The following MAP4 variants were observed in gnomAD, a reference collection of about 807,000 sequenced individuals.
MAP4 encodes microtubule associated protein 4.
A neutral mutation model predicts 170.2 loss-of-function variants in MAP4; 76 were observed. That is an observed-to-expected ratio of 0.45 (90% CI 0.37 to 0.54). The LOEUF is 0.54. Ranked by LOEUF, MAP4 falls within the 20% of genes least tolerant of loss-of-function variation. The pLI is 0.00. For synonymous variants in MAP4, 909 were observed against 994.5 expected (o/e 0.91, Z 1.62); for missense variants, 2,506 against 2,748.0 (o/e 0.91, Z 1.97).
At chr3:47,929,915 A>C (rs1305300587) in intron 3 of MAP4, among the ~76,000 whole-genome samples, 1 of 149,544 alleles carries the variant, frequency 6.7e-6, no homozygotes, top group African/African-American at 2.5e-5. Flanking sequence ...GATCACCTGA[A>C]GTTAGGAATT....
chr3:47,896,505 G>A (rs2100026957), intron 10 of MAP4, among the ~76,000 whole-genome samples: 1 of 151,834 alleles, frequency 6.6e-6, no homozygotes, highest in African/African-American at 2.4e-5. Flanking sequence ...CTCCAGCCTG[G>A]GCAACAAGAG....
chr3:48,034,064 G>C (rs949462199), intron 1 of MAP4, among the ~76,000 whole-genome samples: 1 of 152,166 alleles, frequency 6.6e-6, no homozygotes, highest in African/African-American at 2.4e-5. Context: ...GCCAACCAGA[G>C]TGCATACATA....
At chr3:48,065,633 C>G (rs181869602) in intron 1 of MAP4, among the ~76,000 whole-genome samples, 150 of 152,274 alleles carry the variant, frequency 9.9e-4, no homozygotes, top group African/African-American at 3.5e-3. Context: ...ATAAAAAATT[C>G]CTGAGAAATC....
intron 2 of MAP4, among the ~76,000 whole-genome samples, chr3:47,988,752 G>C (rs191601040): frequency 1.1e-4 from 16 of 151,744 alleles, no homozygotes; most frequent in Admixed American, 5.3e-4. Flanking sequence ...TGAGATACTA[G>C]ATCAAGTAGA....
rs770006684 is a variant in MAP4 at position 47,869,196 on chromosome 3, GGTC to G, written c.6408+15_6408+17del. The stretch of plus-strand genomic sequence containing the variant: ...TTACCATCTTCACCTTGCAGAGGTG[GGTC>G]TAAATAAAACTCACTTTCCCCGCAG... On this transcript the variant is annotated intron_variant, in intron 16 of 20. Transcript: ENST00000683076. The G allele has an allele frequency of 6.4e-7, 1 of 1,561,726 alleles. No individual in the cohort carries two copies. The highest frequency in any genetic ancestry group is 1.1e-5 in the South Asian group (1 of 90,018).
chr3:47,934,105 C>A (rs1416789795), intron 3 of MAP4, among the ~76,000 whole-genome samples: 2 of 152,100 alleles, frequency 1.3e-5, no homozygotes, highest in African/African-American at 4.8e-5. Flanking sequence ...CAAGGCTGAC[C>A]GAAGCAACAG....
chr3:47,866,762 G>A (rs1347514063), intron 17 of MAP4, among the ~76,000 whole-genome samples: 2 of 152,042 alleles, frequency 1.3e-5, no homozygotes, highest in African/African-American at 4.8e-5. Context: ...TCAAAAAAAC[G>A]TGGGGAAGGG....
chr3:48,074,509 CTTTTTTT>C (rs1167906300), intron 1 of MAP4, among the ~76,000 whole-genome samples: 1 of 112,554 alleles, frequency 8.9e-6, no homozygotes, highest in African/African-American at 4.2e-5. Context: ...TATACACACA[CTTTTTTT>C]TTTTTTTTTT....
In MAP4 at chr3:47,916,054, G is replaced by A. The variant is rs1342285491; in HGVS notation, c.1773C>T (p.Asp591=). The change falls in exon 7 of 21, where the codon GAC becomes GAT. Residue 591 remains aspartate (D), a synonymous_variant. Transcript: ENST00000683076. Reference sequence around the variant, plus strand: ...CTTTTTGTGTTTGTGCAATTTCCATGTCTTTAATTGGAACTGGTGTTGCCT... The same window carrying A: ...CTTTTTGTGTTTGTGCAATTTCCATATCTTTAATTGGAACTGGTGTTGCCT... ...ETEATPVPIK[D]MEIAQTQKGI... The A allele has an allele frequency of 4.3e-6, 7 of 1,614,122 alleles. No homozygotes were observed. Among genetic ancestry groups the A allele is most frequent in the Admixed American group, 3.3e-5 (2 of 60,012 alleles).
chr3:47,968,472 A>T (rs1238115379), intron 3 of MAP4, among the ~76,000 whole-genome samples: 1 of 152,224 alleles, frequency 6.6e-6, no homozygotes. Flanking sequence ...TGCAGAAATT[A>T]ACACACTCCT....
intron 1 of MAP4, among the ~76,000 whole-genome samples, chr3:48,057,908 A>G (rs192041765): frequency 4.6e-5 from 7 of 152,318 alleles, no homozygotes; most frequent in Admixed American, 4.6e-4. Flanking sequence ...ATTATTTTAA[A>G]AAACTGTGTT....
rs868055575 is a variant in MAP4, at chr3:47,970,398, T to C, written c.292+7467A>G. On this transcript the variant is annotated intron_variant, in intron 3 of 20. Coordinates refer to ENST00000683076, the MANE Select transcript of MAP4 (RefSeq NM_001385682.1). Reference sequence around the variant, plus strand: ...TACTTGGGAGGCTGAGGCAGGAGAATTGCTTGAACCCAGGAGGTGGAGGTT... The same window carrying C: ...TACTTGGGAGGCTGAGGCAGGAGAACTGCTTGAACCCAGGAGGTGGAGGTT... Among the ~76,000 whole-genome samples, 3 of 152,038 alleles carry C rather than the reference T, an allele frequency of 2.0e-5. No individual in the cohort carries two copies. The South Asian group carries it at 6.2e-4, about 32-fold the overall frequency.
At chr3:48,084,483 G>C (rs2100148099) in intron 1 of MAP4, among the ~76,000 whole-genome samples, 1 of 151,746 alleles carries the variant, frequency 6.6e-6, no homozygotes, top group Non-Finnish European at 1.5e-5. Context: ...TCACCATAAG[G>C]TCTGCATTTA....
intron 5 of MAP4, among the ~76,000 whole-genome samples, chr3:47,919,324 T>C (rs1038552734): frequency 6.6e-6 from 1 of 152,020 alleles, no homozygotes; most frequent in African/African-American, 2.4e-5. Context: ...TTTTCTTTTT[T>C]TGAGACAGAG....
intron 10 of MAP4, among the ~76,000 whole-genome samples, chr3:47,881,185 G>A (rs894238796): frequency 8.6e-5 from 13 of 151,914 alleles, no homozygotes; most frequent in African/African-American, 1.9e-4. Context: ...TCCAGGACAC[G>A]TAATCTTTAA....
intron 1 of MAP4, among the ~76,000 whole-genome samples, chr3:48,042,858 T>A (rs943404128): frequency 2.0e-5 from 3 of 152,212 alleles, no homozygotes; most frequent in Non-Finnish European, 4.4e-5. Flanking sequence ...ACAAGATGGG[T>A]GAACCCTGAA....
intron 11 of MAP4, among the ~76,000 whole-genome samples, chr3:47,876,137 T>C (rs1424762791): frequency 1.0e-4 from 6 of 58,278 alleles, no homozygotes; most frequent in East Asian, 7.7e-4. Context: ...TTTTTCTTTC[T>C]TTTTTTTTTT....
intron 3 of MAP4, among the ~76,000 whole-genome samples, chr3:47,949,340 T>A (rs1198554107): frequency 6.6e-6 from 1 of 151,530 alleles, no homozygotes; most frequent in African/African-American, 2.4e-5. Flanking sequence ...GTGGTGTGCA[T>A]CTGTAGTCCC....
At chr3:47,934,328 C>A (rs915430063) in intron 3 of MAP4, among the ~76,000 whole-genome samples, 1 of 152,128 alleles carries the variant, frequency 6.6e-6, no homozygotes, top group African/African-American at 2.4e-5. Flanking sequence ...TTTGAGACAG[C>A]GTCTCCTTTT....
Sources: allele counts gnomAD v4.1 joint callset (sites outside exome capture counted in the v4.1 genomes callset), GRCh38; gene constraint gnomAD v4.1.1; transcripts MANE v1.5; gene names NCBI Gene and HGNC (gene_info 2026-07-23, HGNC 2026-07-21).